The following PTBP2 variants were observed in gnomAD, a reference collection of about 807,000 sequenced individuals.
PTBP2 encodes the protein polypyrimidine tract-binding protein 2.
Under a neutral mutation model 61.4 loss-of-function variants are expected in PTBP2, and 13 were observed. The ratio of observed to expected loss-of-function variants is 0.21; its 90% CI spans 0.14 to 0.34. The LOEUF (loss-of-function observed/expected upper bound fraction) is 0.34, where lower values mean the gene tolerates loss of function less well. PTBP2 is among the 10% of genes least tolerant of loss of function. The probability of loss-of-function intolerance (pLI) is 1.00; values close to 1 mark genes in which losing one functional copy is unlikely to be tolerated. For synonymous variants in PTBP2, 215 were observed against 218.5 expected (o/e 0.98, Z 0.14); for missense variants, 405 against 642.6 (o/e 0.63, Z 4.00).
intron 3 of PTBP2, 32 bp from the exon 4 acceptor site, chr1:96,769,669 TGA>T: frequency 7.3e-7 from 1 of 1,361,022 alleles, no homozygotes; most frequent in Non-Finnish European, 9.7e-7. Context: ...CTTTTATTGT[TGA>T]TATATAAGGA....
intron 5 of PTBP2, 159 bp downstream of exon 5, chr1:96,771,010 TA>T: frequency 1.8e-6 from 1 of 568,530 alleles, no homozygotes; most frequent in Non-Finnish European, 2.9e-6. Context: ...AAGTATTAAA[TA>T]CTATGTCATT....
At chr1:96,746,836 T>TCTCC (rs1356182979) in intron 2 of PTBP2, among the ~76,000 whole-genome samples, 1 of 104,180 alleles carries the variant, frequency 9.6e-6, no homozygotes, top group Non-Finnish European at 1.9e-5. Flanking sequence ...TGTCTGTCTG[T>TCTCC]CTCCCTCCCT....
rs544677293 is a variant in PTBP2, at chr1:96,774,793, G to A, written c.433-2792G>A. Among the ~76,000 whole-genome samples, 81 of 152,230 alleles carry A rather than the reference G, an allele frequency of 5.3e-4. 1 individual carries two copies. The highest frequency in any genetic ancestry group is 3.1e-3 in the Admixed American group (48 of 15,284). On this transcript the variant is annotated intron_variant, in intron 5 of 13. Coordinates refer to ENST00000674951, the MANE Select transcript of PTBP2 (RefSeq NM_021190.4). The stretch of plus-strand genomic sequence containing the variant: ...ATATCTAAGTTACTCCCATGCAGTA[G>A]GTCCTGTTCATGCTCAGGCTAAAGG...
At chr1:96,803,989 G>C (rs76116766) in intron 8 of PTBP2, among the ~76,000 whole-genome samples, 1 of 152,136 alleles carries the variant, frequency 6.6e-6, no homozygotes, top group Non-Finnish European at 1.5e-5. Flanking sequence ...GATGAACGGT[G>C]CTAACACAAA....
intron 1 of PTBP2, among the ~76,000 whole-genome samples, chr1:96,723,272 T>G (rs1394124438): frequency 6.6e-6 from 1 of 152,236 alleles, no homozygotes; most frequent in Admixed American, 6.5e-5. Context: ...TTAATCTCAG[T>G]ATACTGGCAT....
In PTBP2 at chr1:96,804,865, G is replaced by C; in HGVS notation, c.970G>C (p.Ala324Pro). 6.2e-7 allele frequency: 1 copy of C among 1,612,274 alleles called. No homozygotes were observed. The highest frequency in any genetic ancestry group is 1.3e-5 in the African/African-American group (1 of 75,002). Reference sequence around the variant, plus strand: ...TGCTGCAGCAGCTGCTGCAGCTGCTGCTGGCCGAGTGGGTATGCCTGGAGT... The same window carrying C: ...TGCTGCAGCAGCTGCTGCAGCTGCTCCTGGCCGAGTGGGTATGCCTGGAGT... ...NAAAAAAAAA[A>P]GRVGMPGVSA... The change falls in exon 9 of 14, where the codon GCT becomes CCT. Residue 324 changes from alanine to proline, a missense_variant. Transcript: ENST00000674951.
chr1:96,752,577 G>A lies in PTBP2; in HGVS notation c.115+1077G>A, dbSNP rs565454444. 1.4e-4 allele frequency among the ~76,000 whole-genome samples: 21 copies of A among 152,190 alleles called. No homozygotes were observed. In the Middle Eastern group the frequency reaches 0.014, roughly 99 times the overall value. On this transcript the variant is annotated intron_variant, in intron 3 of 13. Coordinates refer to ENST00000674951, the MANE Select transcript of PTBP2 (RefSeq NM_021190.4). ...GTAATGATTACAAAGCAAAATCACTGGGCCTTGATTTTGATAGTCAAAGTA... is the reference window on the plus strand; with the variant it reads ...GTAATGATTACAAAGCAAAATCACTAGGCCTTGATTTTGATAGTCAAAGTA...
intron 8 of PTBP2, among the ~76,000 whole-genome samples, chr1:96,802,411 A>G (rs1005312608): frequency 6.6e-6 from 1 of 152,116 alleles, no homozygotes; most frequent in Non-Finnish European, 1.5e-5. Flanking sequence ...TATAAGAGTC[A>G]AGAGATGTAC....
At chr1:96,722,890 A>G (rs1164320072) in intron 1 of PTBP2, among the ~76,000 whole-genome samples, 2 of 152,198 alleles carry the variant, frequency 1.3e-5, no homozygotes, top group Non-Finnish European at 2.9e-5. Context: ...AATGTTAGAA[A>G]GGGGGCACGC....
intron 5 of PTBP2, among the ~76,000 whole-genome samples, chr1:96,772,235 A>G (rs1290051435): frequency 1.3e-5 from 2 of 152,170 alleles, no homozygotes; most frequent in African/African-American, 2.4e-5. Context: ...ACTCAAGGAA[A>G]CATTTACTGA....
chr1:96,807,834 A>G (rs531509610), intron 11 of PTBP2, among the ~76,000 whole-genome samples: 1 of 152,324 alleles, frequency 6.6e-6, no homozygotes, highest in East Asian at 1.9e-4. Context: ...GTATAAAACT[A>G]TCCATCTGGC....
At chr1:96,775,441 TGTATA>T (rs1480500154) in intron 5 of PTBP2, among the ~76,000 whole-genome samples, 1 of 152,154 alleles carries the variant, frequency 6.6e-6, no homozygotes, top group Non-Finnish European at 1.5e-5. Context: ...AGTGGAATAT[TGTATA>T]GTAATAAAAA....
chr1:96,741,736 T>C (rs183105567), intron 2 of PTBP2, among the ~76,000 whole-genome samples: 1 of 152,230 alleles, frequency 6.6e-6, no homozygotes, highest in African/African-American at 2.4e-5. Flanking sequence ...GTTTTAAAAT[T>C]TTGATTTTCA....
intron 8 of PTBP2, among the ~76,000 whole-genome samples, chr1:96,797,787 T>C (rs150756349): frequency 6.6e-6 from 1 of 152,346 alleles, no homozygotes; most frequent in East Asian, 1.9e-4. Flanking sequence ...TTATAGTGTA[T>C]TGTTTAGGGA....
downstream of PTBP2, chr1:96,817,269 T>A (rs1235732868): frequency 6.6e-6 from 1 of 152,120 alleles, no homozygotes; most frequent in Non-Finnish European, 1.5e-5. Context: ...TGCCTTAATA[T>A]ATTAAAATGG....
chr1:96,778,328 G>T (rs1212595707), intron 7 of PTBP2, among the ~76,000 whole-genome samples: 7 of 151,508 alleles, frequency 4.6e-5, no homozygotes, highest in African/African-American at 1.2e-4. Flanking sequence ...ATACAGATGT[G>T]GCTCAAATGC....
chr1:96,750,628 T>C (rs1053180751), intron 2 of PTBP2, among the ~76,000 whole-genome samples: 27 of 152,176 alleles, frequency 1.8e-4, no homozygotes, highest in African/African-American at 6.5e-4. Flanking sequence ...TTTTGATGGT[T>C]GCATTTAACT....
chr1:96,788,603 T>G (rs1659456952), intron 8 of PTBP2, among the ~76,000 whole-genome samples: 1 of 152,072 alleles, frequency 6.6e-6, no homozygotes, highest in South Asian at 2.1e-4. Context: ...ACAGTACTTG[T>G]TCAAAATGAA....
intron 5 of PTBP2, among the ~76,000 whole-genome samples, chr1:96,772,341 G>A (rs780801304): frequency 1.1e-4 from 16 of 152,254 alleles, no homozygotes; most frequent in South Asian, 2.1e-4. Flanking sequence ...TTAAAGTGGG[G>A]CTGCCAGCCA....
Sources: allele counts gnomAD v4.1 joint callset (sites outside exome capture counted in the v4.1 genomes callset), GRCh38; gene constraint gnomAD v4.1.1; transcripts MANE v1.5; gene names NCBI Gene and HGNC (gene_info 2026-07-23, HGNC 2026-07-21).